Variants in IPO13 observed in about 807,000 individuals in gnomAD.
The protein encoded by IPO13 is importin-13.
Under a neutral mutation model 115.5 loss-of-function variants are expected in IPO13, and 28 were observed. The ratio of observed to expected loss-of-function variants is 0.24; its 90% confidence interval spans 0.18 to 0.33. The LOEUF is 0.33. IPO13 is among the 10% of genes least tolerant of loss of function. The probability of loss-of-function intolerance (pLI) is 1.00; values close to 1 mark genes in which losing one functional copy is unlikely to be tolerated. For synonymous variants in IPO13, 414 were observed against 478.9 expected, an observed-to-expected ratio of 0.86 and a Z score of 1.77; for missense variants, 785 against 1,204.6, an observed-to-expected ratio of 0.65 and a Z score of 5.16.
Position 43,961,202 on chromosome 1 carries a change from C to A in IPO13, c.2284C>A (p.Pro762Thr). 1 of 1,614,120 alleles carries A rather than the reference C, an allele frequency of 6.2e-7. No individual in the cohort carries two copies. Among genetic ancestry groups the A allele is most frequent in the Non-Finnish European group, 8.5e-7 (1 of 1,179,980 alleles). ...CTTTGCTCATGAGCCTGCCCACTTT[C>A]CCCCAATTGAGGCCCTCTTCCTGCT... The part of the protein sequence containing the change: ...HIFAHEPAHF[P>T]PIEALFLLVT... The change falls in exon 14 of 20, where the codon CCC becomes ACC. Residue 762 changes from proline to threonine, a missense_variant. Transcript: ENST00000372343.
intron 11 of IPO13, 107 bp from the exon 12 acceptor site, chr1:43,960,142 T>C (rs954635028): frequency 7.1e-6 from 7 of 982,446 alleles, no homozygotes; most frequent in Non-Finnish European, 1.1e-5. Flanking sequence ...ATGTGTGTTC[T>C]GGGGTAATAG....
chr1:43,949,986 G>A lies in IPO13; in HGVS notation c.654G>A (p.Val218=). 1.2e-6 allele frequency: 2 copies of A among 1,612,358 alleles called. No individual in the cohort carries two copies. Among genetic ancestry groups the A allele is most frequent in the Non-Finnish European group, 1.7e-6 (2 of 1,179,672 alleles). ...AGCAGCCCAGCTCACCCAGCTGTGT[G>A]CGTCAGAAGGTGCTCAAGTGTTTCT... ...LLQQPSSPSC[V]RQKVLKCFSS... is the part of the protein sequence containing the mutation. The change falls in exon 2 of 20, where the codon GTG becomes GTA. Residue 218 remains valine (V), a synonymous_variant. Transcript: ENST00000372343.
chr1:43,966,698 C>T lies in IPO13; in HGVS notation c.2465-26C>T, dbSNP rs759265458. On this transcript the variant is annotated intron_variant, in intron 16 of 19. Coordinates refer to ENST00000372343, the MANE Select transcript of IPO13 (RefSeq NM_014652.4). This position sits in a 1 kb window ranked among gnomAD's most constrained non-coding sequence, Gnocchi z 4.1. The stretch of plus-strand genomic sequence containing the variant: ...GGGCTCCCCTAGAAGGATCGTTAAA[C>T]TGATCTGCCTCTGCCTTTCCCACAG... 1.6e-5 allele frequency: 26 copies of T among 1,614,060 alleles called. No homozygotes were observed. The highest frequency in any genetic ancestry group is 2.1e-5 in the Non-Finnish European group (25 of 1,180,026).
chr1:43,955,832 A>T (rs935861106), intron 2 of IPO13, among the ~76,000 whole-genome samples: 2 of 152,044 alleles, frequency 1.3e-5, no homozygotes, highest in Non-Finnish European at 2.9e-5. Context: ...ACTTCATGTT[A>T]TCCCCACATG....
intron 11 of IPO13, among the ~76,000 whole-genome samples, chr1:43,959,559 G>A (rs1407390188): frequency 1.3e-5 from 2 of 152,194 alleles, no homozygotes; most frequent in East Asian, 3.8e-4. Context: ...TTTGCATATT[G>A]TAAAGTTCTT....
In IPO13 at chr1:43,957,963, C is replaced by T. The variant is rs779695485; in HGVS notation, c.1541-14C>T. On this transcript the variant is annotated splice_polypyrimidine_tract_variant and intron_variant, in intron 7 of 19. Coordinates refer to ENST00000372343, the MANE Select transcript of IPO13 (RefSeq NM_014652.4). ...CCTGCCTCAAAGATCCTCCTGTCTC[C>T]CTCCTTCCTCCAGGAGCTCTGTCTG... 3 of 1,613,322 alleles carry T rather than the reference C, an allele frequency of 1.9e-6. No individual in the cohort carries two copies. The highest frequency in any genetic ancestry group is 1.1e-5 in the South Asian group (1 of 91,064).
intron 11 of IPO13, among the ~76,000 whole-genome samples, chr1:43,959,471 C>G (rs1248931603): frequency 1.3e-5 from 2 of 152,226 alleles, no homozygotes; most frequent in Admixed American, 1.3e-4. Flanking sequence ...CCATTAAAAA[C>G]TATGAACATT....
chr1:43,949,310 C>A (rs551557425), intron 1 of IPO13, 107 bp from the exon 2 acceptor site: 37 of 1,216,930 alleles, frequency 3.0e-5, no homozygotes, highest in Admixed American at 8.1e-5. Context: ...CTCAGCCCCC[C>A]AGTCAGGGAG....
rs2085189384 is a variant in IPO13 at position 43,949,349 on chromosome 1, G to A, written c.85-68G>A. On this transcript the variant is annotated intron_variant, in intron 1 of 19. Coordinates refer to ENST00000372343, the MANE Select transcript of IPO13 (RefSeq NM_014652.4). Reference sequence around the variant, plus strand: ...GAGCAGCCTTGCAGGACCAAGTCACGCCTCTGTTCTGGGCTCTGGCAGGAT... The same window carrying A: ...GAGCAGCCTTGCAGGACCAAGTCACACCTCTGTTCTGGGCTCTGGCAGGAT... 8 of 1,495,422 alleles carry A rather than the reference G, an allele frequency of 5.3e-6. No individual in the cohort carries two copies. The South Asian group carries it at 5.4e-5, about 10-fold the overall frequency. 92.6% of individuals were successfully genotyped at this position (1,495,422 alleles called of 1,614,324 possible).
At position 43,958,899 on chromosome 1, in the gene IPO13, ATTTGCCCACGGCAAAGACATTTGTC is replaced by A. The variant is rs762279017; in HGVS notation, c.2028+17_2028+41del. The A allele has an allele frequency of 3.1e-6, 5 of 1,612,618 alleles. No homozygotes were observed. The highest frequency in any genetic ancestry group is 1.1e-5 in the South Asian group (1 of 91,028). On this transcript the variant is annotated intron_variant, in intron 11 of 19. Coordinates refer to ENST00000372343, the MANE Select transcript of IPO13 (RefSeq NM_014652.4). The surrounding 1 kb of genome is among the most constrained non-coding windows in gnomAD (Gnocchi z 6.3). ...ACAGGGACCCAACCCCGTGGGTGAC[ATTTGCCCACGGCAAAGACATTTGTC>A]TTTGCCATCCCCCCAACCCCCACCT... is the stretch of plus-strand genomic sequence containing the variant.
At chr1:43,960,688 C>T (rs749882521) in intron 12 of IPO13, among the ~76,000 whole-genome samples, 188 bp from the exon 13 acceptor site, 21 of 152,208 alleles carry the variant, frequency 1.4e-4, no homozygotes, top group Non-Finnish European at 2.5e-4. Context: ...ATCCTGTGCC[C>T]CTCAGTGAAG....
intron 12 of IPO13, 52 bp downstream of exon 12, chr1:43,960,381 G>A (rs894763330): frequency 6.6e-7 from 1 of 1,514,234 alleles, no homozygotes; most frequent in Admixed American, 1.7e-5. Flanking sequence ...CAGAGGTGTA[G>A]CAGGGTAAGA....
Position 43,947,598 on chromosome 1 carries a change from A to G in IPO13, c.-3A>G. 7.6e-7 allele frequency: 1 copy of G among 1,310,596 alleles called. No individual in the cohort carries two copies. Among genetic ancestry groups the G allele is most frequent in the Non-Finnish European group, 9.8e-7 (1 of 1,021,066 alleles). The allele number at this position is 1,310,596 out of a possible 1,614,324, so 81.2% of individuals were successfully genotyped here. A position where few individuals can be genotyped will look rare whatever the true frequency, so the allele number is the denominator to read the frequency against. Reference sequence around the variant, plus strand: ...CCACCTCCCTGCCAGGGAGGGAGCAAAGATGGAGCGGCGGGAGGAGCAGCC... The same window carrying G: ...CCACCTCCCTGCCAGGGAGGGAGCAGAGATGGAGCGGCGGGAGGAGCAGCC... On this transcript the variant is annotated 5_prime_UTR_variant, in exon 1 of 20. Coordinates refer to ENST00000372343, the MANE Select transcript of IPO13 (RefSeq NM_014652.4).
At chr1:43,964,572 G>A (rs1193257023) in intron 15 of IPO13, among the ~76,000 whole-genome samples, 1 of 152,196 alleles carries the variant, frequency 6.6e-6, no homozygotes, top group Non-Finnish European at 1.5e-5. Flanking sequence ...GAGCTGGGCT[G>A]GCATCGGGTG....
At chr1:43,953,250 G>T (rs557361923) in intron 2 of IPO13, 2 of 152,194 alleles carry the variant, frequency 1.3e-5, no homozygotes, top group African/African-American at 4.8e-5. Flanking sequence ...GCTGAGCTCC[G>T]TGTGAGCAGC....
rs760829121 is a variant in IPO13, at chr1:43,956,459, C to T, written c.961C>T (p.Arg321Trp). 1.6e-5 allele frequency: 26 copies of T among 1,614,014 alleles called. No homozygotes were observed. The Admixed American group carries it at 2.3e-4, about 14-fold the overall frequency. The change falls in exon 3 of 20, where the codon CGG becomes TGG. Residue 321 changes from arginine to tryptophan, a missense_variant and splice_region_variant. This residue lies in a region of IPO13 where 325 missense variants were observed against 449.8 expected (regional missense o/e 0.72). Transcript: ENST00000372343. This position sits in a 1 kb window ranked among gnomAD's most constrained non-coding sequence, Gnocchi z 4.7. ...IAVALGENHS[R>W]ALLDQVEHWQ... Reference sequence around the variant, plus strand: ...TGTGGCCCTGGGCGAGAACCACTCCCGGTAAAGGGTGGAGCAGCTTGGGGT... The same window carrying T: ...TGTGGCCCTGGGCGAGAACCACTCCTGGTAAAGGGTGGAGCAGCTTGGGGT...
Position 43,961,201 on chromosome 1 carries a change from T to G in IPO13, c.2283T>G (p.Phe761Leu). The change falls in exon 14 of 20, where the codon TTT becomes TTG. Residue 761 changes from phenylalanine to leucine, a missense_variant. Phe to Leu is a conservative substitution (Grantham distance 22, BLOSUM62 0). Around this residue, in one of 3 missense-constraint regions of IPO13, gnomAD observed 285 missense variants for 394.8 expected, o/e 0.72. Coordinates refer to ENST00000372343, the MANE Select transcript of IPO13 (RefSeq NM_014652.4). ...TCTTTGCTCATGAGCCTGCCCACTT[T>G]CCCCCAATTGAGGCCCTCTTCCTGC... is the stretch of plus-strand genomic sequence containing the variant. ...VHIFAHEPAHFPPIEALFLLV... is the reference protein window; with the variant it reads ...VHIFAHEPAHLPPIEALFLLV... 1 of 1,614,012 alleles carries G rather than the reference T, an allele frequency of 6.2e-7. No individual in the cohort carries two copies. The highest frequency in any genetic ancestry group is 8.5e-7 in the Non-Finnish European group (1 of 1,179,984).
rs2154302243 is a variant in IPO13, at chr1:43,957,288, C to T, written c.1365C>T (p.Thr455=). 6.2e-7 allele frequency: 1 copy of T among 1,614,122 alleles called. No individual in the cohort carries two copies. The highest frequency in any genetic ancestry group is 2.2e-5 in the East Asian group (1 of 44,884). The change falls in exon 6 of 20, where the codon ACC becomes ACT. Residue 455 remains threonine (T), a synonymous_variant. Transcript: ENST00000372343. ...ATGACAAGCTGGGTCGTTTGCTCAC[C>T]AGCTCAGAGGAGCCCTACTCCTGGC... The part of the protein sequence containing the change: ...NLYDKLGRLL[T]SSEEPYSWQH...
At chr1:43,961,283 C>G (rs2085288598) in intron 14 of IPO13, 21 bp downstream of exon 14, 2 of 1,517,646 alleles carry the variant, frequency 1.3e-6, no homozygotes, top group Non-Finnish European at 1.8e-6. Context: ...ACCGGGGTCT[C>G]TGCTGCTGCT....
Sources: allele counts gnomAD v4.1 joint callset (sites outside exome capture counted in the v4.1 genomes callset), GRCh38; gene constraint gnomAD v4.1.1; regional missense constraint gnomAD v4.1.1; non-coding constraint Gnocchi (gnomAD v3.1); transcripts MANE v1.5; gene names NCBI Gene and HGNC (gene_info 2026-07-23, HGNC 2026-07-21).